CA10: variants seen among roughly 807,000 people sequenced by gnomAD.
CA10 encodes the protein carbonic anhydrase-related protein 10.
A neutral mutation model predicts 44.2 loss-of-function variants in CA10; 14 were observed. The observed-to-expected ratio is 0.32, with a 90% CI of 0.21 to 0.50. CA10 has a LOEUF of 0.50. Among genes scored for constraint, CA10 ranks in the 20% least tolerant of loss-of-function variants. The pLI is 0.99. For synonymous variants in CA10, 159 were observed against 141.6 expected, an observed-to-expected ratio of 1.12 and a Z score of -0.87; for missense variants, 350 against 409.7, an observed-to-expected ratio of 0.85 and a Z score of 1.26.
intron 2 of CA10, among the ~76,000 whole-genome samples, chr17:52,046,431 T>C (rs575114642): frequency 1.3e-5 from 2 of 151,882 alleles, no homozygotes; most frequent in Admixed American, 1.3e-4. Flanking sequence ...TAAAAGGATA[T>C]AATGAGTAAT....
At chr17:51,670,807 C>T (rs1025196681) in intron 4 of CA10, among the ~76,000 whole-genome samples, 1 of 152,204 alleles carries the variant, frequency 6.6e-6, no homozygotes, top group Non-Finnish European at 1.5e-5. Flanking sequence ...AGAACCTTAT[C>T]ACCTCCAATT....
chr17:51,880,796 A>C (rs1465868547), intron 3 of CA10, among the ~76,000 whole-genome samples: 10 of 152,188 alleles, frequency 6.6e-5, no homozygotes, highest in Non-Finnish European at 1.0e-4. Context: ...GCATGAAAAA[A>C]ACCAATGTTC....
intron 7 of CA10, among the ~76,000 whole-genome samples, chr17:51,635,168 A>G (rs1447885751): frequency 6.6e-6 from 1 of 152,188 alleles, no homozygotes; most frequent in African/African-American, 2.4e-5. Context: ...CCTTTATAAA[A>G]AGGGGAAATT....
Position 52,102,736 on chromosome 17 carries a change from G to A in CA10, c.62-30343C>T, listed in dbSNP as rs971495488. ...CTGATTCATGAGTCACTGTTTGCCC[G>A]AATAAACTCTATACAATTTTATTGT... On this transcript the variant is annotated intron_variant, in intron 1 of 8. Coordinates refer to ENST00000451037, the MANE Select transcript of CA10 (RefSeq NM_020178.5). Among the ~76,000 whole-genome samples, 10 of 152,222 alleles carry A rather than the reference G, an allele frequency of 6.6e-5. No individual in the cohort carries two copies. The East Asian group carries it at 1.5e-3, about 24-fold the overall frequency.
chr17:52,104,072 C>T (rs554599931), intron 1 of CA10, among the ~76,000 whole-genome samples: 1 of 152,316 alleles, frequency 6.6e-6, no homozygotes, highest in East Asian at 1.9e-4. Flanking sequence ...ATACCTGCCT[C>T]ACAAGTCTAA....
At chr17:52,035,764 G>A (rs746326513) in intron 2 of CA10, among the ~76,000 whole-genome samples, 17 of 152,224 alleles carry the variant, frequency 1.1e-4, no homozygotes, top group Non-Finnish European at 1.8e-4. Flanking sequence ...TGCCTCGTTC[G>A]CTCATGCACT....
chr17:51,965,258 A>G (rs1984038358), intron 2 of CA10, among the ~76,000 whole-genome samples: 1 of 151,784 alleles, frequency 6.6e-6, no homozygotes, highest in Admixed American at 6.6e-5. Context: ...GTCACATAAA[A>G]AAGCCCCAAA....
intron 1 of CA10, among the ~76,000 whole-genome samples, chr17:52,149,583 C>A (rs995904487): frequency 6.6e-6 from 1 of 152,182 alleles, no homozygotes; most frequent in Non-Finnish European, 1.5e-5. Flanking sequence ...TTTAAGGTTA[C>A]ATGAAATAAA....
intron 2 of CA10, among the ~76,000 whole-genome samples, chr17:52,001,251 T>G (rs1807561515): frequency 6.6e-6 from 1 of 152,038 alleles, no homozygotes; most frequent in Admixed American, 6.6e-5. Flanking sequence ...GAGGCCTGTG[T>G]GGCTTGCAAA....
At chr17:51,631,656 A>G in intron 8 of CA10, 50 bp from the exon 9 acceptor site, 3 of 1,477,422 alleles carry the variant, frequency 2.0e-6, no homozygotes, top group Non-Finnish European at 2.8e-6. Context: ...ACATAAAACG[A>G]GGCATACTCA....
chr17:52,058,554 T>C (rs986167543), intron 2 of CA10, among the ~76,000 whole-genome samples: 6 of 152,144 alleles, frequency 3.9e-5, no homozygotes, highest in Non-Finnish European at 7.4e-5. Flanking sequence ...GTGGTAATAA[T>C]AGGGACTCTC....
At chr17:51,962,641 G>T (rs1983935182) in intron 2 of CA10, among the ~76,000 whole-genome samples, 1 of 152,140 alleles carries the variant, frequency 6.6e-6, no homozygotes, top group Non-Finnish European at 1.5e-5. Context: ...AAGTGCATAT[G>T]GCTATAGAAG....
At chr17:52,087,687 A>G (rs1988154438) in intron 1 of CA10, among the ~76,000 whole-genome samples, 1 of 152,210 alleles carries the variant, frequency 6.6e-6, no homozygotes, top group South Asian at 2.1e-4. Context: ...TAATTATCTT[A>G]TACAGAAATT....
At chr17:51,698,182 T>C (rs1358606264) in intron 4 of CA10, among the ~76,000 whole-genome samples, 1 of 152,214 alleles carries the variant, frequency 6.6e-6, no homozygotes, top group African/African-American at 2.4e-5. Flanking sequence ...CTGTTGCTGC[T>C]TCCCATCCTT....
At chr17:51,838,538 T>C (rs967491914) in intron 3 of CA10, among the ~76,000 whole-genome samples, 8 of 152,336 alleles carry the variant, frequency 5.3e-5, no homozygotes, top group African/African-American at 1.9e-4. Flanking sequence ...TTAATTGCCA[T>C]GAGGCGCTGA....
intron 3 of CA10, among the ~76,000 whole-genome samples, chr17:51,786,566 A>G (rs944353990): frequency 6.6e-6 from 1 of 152,064 alleles, no homozygotes; most frequent in African/African-American, 2.4e-5. Context: ...CAACCAACAA[A>G]CCAAAGATCA....
intron 3 of CA10, among the ~76,000 whole-genome samples, chr17:51,811,748 G>A (rs1434906017): frequency 6.6e-6 from 1 of 152,154 alleles, no homozygotes; most frequent in Non-Finnish European, 1.5e-5. Context: ...ATAAACATAT[G>A]TGTGCATGTG....
chr17:52,064,172 G>A (rs1987469614), intron 2 of CA10, among the ~76,000 whole-genome samples: 1 of 152,084 alleles, frequency 6.6e-6, no homozygotes. Flanking sequence ...AGGAGACAAG[G>A]GTCTCAGCCC....
chr17:52,082,284 G>A (rs2143176656), intron 1 of CA10, among the ~76,000 whole-genome samples: 1 of 152,166 alleles, frequency 6.6e-6, no homozygotes, highest in African/African-American at 2.4e-5. Context: ...ATGATAAAAG[G>A]TCCTTAGAAT....
Sources: allele counts gnomAD v4.1 joint callset (sites outside exome capture counted in the v4.1 genomes callset), GRCh38; gene constraint gnomAD v4.1.1; transcripts MANE v1.5; gene names NCBI Gene and HGNC (gene_info 2026-07-23, HGNC 2026-07-21).